Variants in ARID4B observed in about 807,000 individuals in gnomAD.
ARID4B encodes the protein AT-rich interactive domain-containing protein 4B.
Under a neutral mutation model 147.5 loss-of-function variants are expected in ARID4B, and 26 were observed. The ratio of observed to expected loss-of-function variants is 0.18; its 90% CI spans 0.13 to 0.24. ARID4B has a LOEUF of 0.24. Among genes scored for constraint, ARID4B ranks in the 10% least tolerant of loss-of-function variants. The pLI is 1.00. For missense variants in ARID4B, 1,179 were observed against 1,511.5 expected (o/e 0.78, Z 3.65); for synonymous variants, 512 against 507.9 (o/e 1.01, Z -0.11).
At chr1:235,306,816 C>T (rs1323204877) in intron 2 of ARID4B, among the ~76,000 whole-genome samples, 4 of 151,980 alleles carry the variant, frequency 2.6e-5, no homozygotes, top group African/African-American at 4.8e-5. Context: ...CCACCACACC[C>T]GGCTAATTTT....
At chr1:235,214,837 CTTTTTT>C (rs10657168) in intron 16 of ARID4B, among the ~76,000 whole-genome samples, 10 of 102,322 alleles carry the variant, frequency 9.8e-5, no homozygotes, top group African/African-American at 1.5e-4. Context: ...GTATTACATC[CTTTTTT>C]TTTTTTTTTT....
intron 2 of ARID4B, among the ~76,000 whole-genome samples, chr1:235,322,810 G>A (rs1218358531): frequency 2.6e-5 from 4 of 151,990 alleles, no homozygotes; most frequent in African/African-American, 7.2e-5. Flanking sequence ...AAGGAAGAGG[G>A]GGAAGGAAAA....
intron 17 of ARID4B, among the ~76,000 whole-genome samples, chr1:235,209,677 C>G (rs1320029342): frequency 6.6e-6 from 1 of 150,402 alleles, no homozygotes; most frequent in African/African-American, 2.5e-5. Flanking sequence ...CATTCTCATG[C>G]CTCAGCCTCC....
chr1:235,220,519 C>A lies in ARID4B; in HGVS notation c.1190G>T (p.Cys397Phe). ...KKYLYGFEEY[C>F]RSANIEFQMA... is the part of the protein sequence containing the mutation. The stretch of plus-strand genomic sequence containing the variant: ...CTGAAATTCAATGTTGGCTGATCTA[C>A]AGTACTCCTCAAAACCATATAAGTA... Residue 397 changes from cysteine (C) to phenylalanine (F), a missense_variant, in exon 15 of 24, where the codon TGT becomes TTT. By Grantham distance (205) the Cys-to-Phe change is radical (BLOSUM62 -2). This residue lies in a region of ARID4B where 204 missense variants were observed against 210.9 expected (regional missense o/e 0.97). Coordinates refer to ENST00000264183, the MANE Select transcript of ARID4B (RefSeq NM_016374.6). 6.2e-7 allele frequency: 1 copy of A among 1,610,076 alleles called. No homozygotes were observed.
At chr1:235,286,261 T>C (rs750383350) in intron 2 of ARID4B, among the ~76,000 whole-genome samples, 3 of 152,174 alleles carry the variant, frequency 2.0e-5, no homozygotes, top group Non-Finnish European at 4.4e-5. Flanking sequence ...CTCAAACTCC[T>C]GGACTCAAGT....
chr1:235,194,577 T>A (rs1226547054), intron 18 of ARID4B, among the ~76,000 whole-genome samples: 1 of 152,032 alleles, frequency 6.6e-6, no homozygotes, highest in Non-Finnish European at 1.5e-5. Flanking sequence ...TCCCAGCACT[T>A]TGGGAGGCCG....
At chr1:235,197,928 A>C (rs566223880) in intron 17 of ARID4B, among the ~76,000 whole-genome samples, 1 of 152,328 alleles carries the variant, frequency 6.6e-6, no homozygotes, top group East Asian at 1.9e-4. Context: ...TATAATGCTT[A>C]GGAAAGCAAT....
intron 22 of ARID4B, among the ~76,000 whole-genome samples, chr1:235,173,622 T>A: frequency 6.8e-6 from 1 of 146,808 alleles, no homozygotes; most frequent in South Asian, 2.2e-4. Flanking sequence ...ATTGGCTGGG[T>A]GTGGTGGCTC....
In ARID4B at chr1:235,309,243, C is replaced by T. The variant is rs1319983136; in HGVS notation, c.6+17671G>A. On this transcript the variant is annotated intron_variant, in intron 2 of 23. Transcript: ENST00000264183. ...GTGGGGAGACCCTCCACCTGGCAAC[C>T]GCCCCATCTGAGAAGTGAGGAGCCC... 3.1e-5 allele frequency among the ~76,000 whole-genome samples: 4 copies of T among 127,834 alleles called. No homozygotes were observed. The South Asian group carries it at 7.9e-4, about 25-fold the overall frequency. 83.9% of individuals were successfully genotyped at this position (127,834 alleles called of 152,430 possible). A position where few individuals can be genotyped will look rare whatever the true frequency, so the allele number is the denominator to read the frequency against.
chr1:235,261,397 G>A (rs1163723217), intron 2 of ARID4B, among the ~76,000 whole-genome samples: 1 of 152,102 alleles, frequency 6.6e-6, no homozygotes, highest in Admixed American at 6.6e-5. Flanking sequence ...GGTGCCATGC[G>A]CCTGTACTCC....
chr1:235,214,150 A>G (rs1325613971), intron 16 of ARID4B, 124 bp from the exon 17 acceptor site: 18 of 1,200,526 alleles, frequency 1.5e-5, no homozygotes, highest in Non-Finnish European at 2.0e-5. Context: ...TTCCACGTGT[A>G]TGAAATTCTC....
Position 235,261,550 on chromosome 1 carries a change from T to C in ARID4B, c.7-798A>G, listed in dbSNP as rs553338997. On this transcript the variant is annotated intron_variant, in intron 2 of 23. Coordinates refer to ENST00000264183, the MANE Select transcript of ARID4B (RefSeq NM_016374.6). Reference sequence around the variant, plus strand: ...AAAAAGCAAACAAAAAAGAATGTAGTATAGCATACAAGGGAGAAAAGTTAG... The same window carrying C: ...AAAAAGCAAACAAAAAAGAATGTAGCATAGCATACAAGGGAGAAAAGTTAG... 4.6e-5 allele frequency among the ~76,000 whole-genome samples: 7 copies of C among 152,088 alleles called. No homozygotes were observed. In the South Asian group the frequency reaches 1.0e-3, roughly 23 times the overall value.
intron 6 of ARID4B, among the ~76,000 whole-genome samples, chr1:235,250,169 G>C (rs909198287): frequency 9.9e-5 from 15 of 152,116 alleles, no homozygotes; most frequent in African/African-American, 3.4e-4. Flanking sequence ...GTGCAAATGT[G>C]ATCTCTTTCC....
At chr1:235,315,839 A>C (rs1283782757) in intron 2 of ARID4B, among the ~76,000 whole-genome samples, 2 of 152,186 alleles carry the variant, frequency 1.3e-5, no homozygotes, top group African/African-American at 2.4e-5. Context: ...TTGAATATGC[A>C]AAAGGTAAGA....
chr1:235,195,298 T>C (rs1024283637), intron 18 of ARID4B, among the ~76,000 whole-genome samples: 2 of 152,072 alleles, frequency 1.3e-5, no homozygotes. Flanking sequence ...TCGTGGTTAA[T>C]AGGATCCTGT....
chr1:235,206,961 T>C (rs1441488335), intron 17 of ARID4B, among the ~76,000 whole-genome samples: 2 of 152,106 alleles, frequency 1.3e-5, no homozygotes, highest in African/African-American at 4.8e-5. Context: ...GATCTGTAAG[T>C]AGTGGGAATG....
At chr1:235,275,429 A>C (rs1195146167) in intron 2 of ARID4B, among the ~76,000 whole-genome samples, 1 of 152,160 alleles carries the variant, frequency 6.6e-6, no homozygotes, top group Non-Finnish European at 1.5e-5. Context: ...TGCTGAGAGG[A>C]AGTAAGAAAT....
chr1:235,300,732 A>G (rs1673062426), intron 2 of ARID4B, among the ~76,000 whole-genome samples: 1 of 151,958 alleles, frequency 6.6e-6, no homozygotes, highest in African/African-American at 2.4e-5. Flanking sequence ...TTTTTGTGAG[A>G]CAGAGTCTCG....
intron 2 of ARID4B, among the ~76,000 whole-genome samples, chr1:235,275,817 AT>A (rs1006513182): frequency 1.9e-4 from 29 of 152,194 alleles, no homozygotes; most frequent in East Asian, 5.8e-4. Context: ...TCCAGTTTAC[AT>A]TTTTAAGCTA....
Sources: gnomAD v4.1 joint callset for allele counts (sites outside exome capture counted in the v4.1 genomes callset) on GRCh38, gnomAD v4.1.1 for gene constraint, gnomAD v4.1.1 regional missense constraint, MANE v1.5 for transcripts, NCBI Gene and HGNC (gene_info 2026-07-23, HGNC 2026-07-21) for gene names.